CAVIN1: variants seen among roughly 807,000 people sequenced by gnomAD.
CAVIN1 encodes caveolae-associated protein 1.
In CAVIN1, 16 loss-of-function variants were observed where a neutral mutation model predicts 24.0. That is an observed-to-expected ratio of 0.67 (90% CI 0.45 to 1.01). CAVIN1 has a LOEUF of 1.01. Ranked by LOEUF, CAVIN1 falls within the 50% of genes least tolerant of loss-of-function variation. CAVIN1 has a pLI of 0.00. For missense variants in CAVIN1, 510 were observed against 551.7 expected (o/e 0.92, Z 0.76); for synonymous variants, 256 against 256.4 (o/e 1.00, Z 0.02).
At position 42,422,854 on chromosome 17, in the gene CAVIN1, T is replaced by C; in HGVS notation, c.244A>G (p.Met82Val). The C allele has an allele frequency of 2.5e-6, 4 of 1,613,632 alleles. No homozygotes were observed. Among genetic ancestry groups the C allele is most frequent in the Non-Finnish European group, 3.4e-6 (4 of 1,179,932 alleles). ...TGGATGCTCTGCACTGCGCCCTCCA[T>C]CTCCGCCTGCCGCTCCTCCAGCTGT... ...QAQLEERQAE[M>V]EGAVQSIQGE... Residue 82 changes from methionine to valine, a missense_variant, in exon 1 of 2, where the codon ATG becomes GTG. Coordinates refer to ENST00000357037, the MANE Select transcript of CAVIN1 (RefSeq NM_012232.6).
rs1567782662 is a variant in CAVIN1, at chr17:42,423,090, T to TG, written c.7_8insC (p.Asp3AlafsTer150). 1.3e-6 allele frequency: 2 copies of TG among 1,579,722 alleles called. No homozygotes were observed. Among genetic ancestry groups the TG allele is most frequent in the Non-Finnish European group, 1.7e-6 (2 of 1,163,164 alleles). The stretch of plus-strand genomic sequence containing the variant: ...CCGCTCGACAATATAGAGCGTGGGG[T>TG]CCTCCATGGCTACCCGGAGCCGTGC... On this transcript the variant is annotated frameshift_variant, in exon 1 of 2. Transcript: ENST00000357037. LOFTEE classifies it high-confidence loss of function.
At chr17:42,408,833 T>A (rs1203557230) in intron 1 of CAVIN1, among the ~76,000 whole-genome samples, 1 of 126,180 alleles carries the variant, frequency 7.9e-6, no homozygotes, top group Non-Finnish European at 1.6e-5. Context: ...CTCTGTCACC[T>A]AGGTTGGAGT....
intron 1 of CAVIN1, among the ~76,000 whole-genome samples, chr17:42,413,219 C>A (rs998681186): frequency 6.6e-6 from 1 of 152,082 alleles, no homozygotes; most frequent in African/African-American, 2.4e-5. Flanking sequence ...AGGCATGAGC[C>A]ACCATCATGC....
At chr17:42,409,238 C>A (rs2085462475) in intron 1 of CAVIN1, among the ~76,000 whole-genome samples, 1 of 151,972 alleles carries the variant, frequency 6.6e-6, no homozygotes, top group Non-Finnish European at 1.5e-5. Context: ...GTAGCTGGAA[C>A]TACAGGCGCA....
At chr17:42,411,607 C>T (rs901762103) in intron 1 of CAVIN1, 3 of 985,228 alleles carry the variant, frequency 3.0e-6, no homozygotes, top group Non-Finnish European at 3.6e-6. Context: ...AAATGTTTTC[C>T]TCAGCTGCAG....
At position 42,422,978 on chromosome 17, in the gene CAVIN1, T is replaced by G. The variant is rs753689059; in HGVS notation, c.120A>C (p.Ser40=). The change falls in exon 1 of 2, where the codon TCA becomes TCC. Residue 40 remains serine, a synonymous_variant. Coordinates refer to ENST00000357037, the MANE Select transcript of CAVIN1 (RefSeq NM_012232.6). The part of the protein sequence containing the change: ...QAAEEPSGAG[S]EELIKSDQVN... ...CCTGGTCCGACTTGATCAGCTCTTCTGAGCCGGCCCCCGACGGCTCCTCCG... is the reference window on the plus strand; with the variant it reads ...CCTGGTCCGACTTGATCAGCTCTTCGGAGCCGGCCCCCGACGGCTCCTCCG... 2 of 1,613,732 alleles carry G rather than the reference T, an allele frequency of 1.2e-6. No homozygotes were observed. Among genetic ancestry groups the G allele is most frequent in the Non-Finnish European group, 1.7e-6 (2 of 1,179,968 alleles).
intron 1 of CAVIN1, chr17:42,411,907 C>A (rs1254895964): frequency 1.0e-6 from 1 of 985,298 alleles, no homozygotes; most frequent in Non-Finnish European, 1.2e-6. Context: ...CGCCAGTGTT[C>A]TCACAGTACC....
Position 42,423,113 on chromosome 17 carries a change from T to A in CAVIN1, c.-16A>T, listed in dbSNP as rs1033912211. 6.5e-7 allele frequency: 1 copy of A among 1,532,930 alleles called. No individual in the cohort carries two copies. Among genetic ancestry groups the A allele is most frequent in the Non-Finnish European group, 8.8e-7 (1 of 1,136,960 alleles). The allele number at this position is 1,532,930 out of a possible 1,614,324, so 95.0% of individuals were successfully genotyped here. A position where few individuals can be genotyped will look rare whatever the true frequency, so the allele number is the denominator to read the frequency against. On this transcript the variant is annotated 5_prime_UTR_variant, in exon 1 of 2. Transcript: ENST00000357037. ...GGTCCTCCATGGCTACCCGGAGCCG[T>A]GCGGGACCGGCCGGGTGGGGCTGGA...
At chr17:42,420,847 G>A (rs747389844) in intron 1 of CAVIN1, among the ~76,000 whole-genome samples, 2 of 151,992 alleles carry the variant, frequency 1.3e-5, no homozygotes, top group South Asian at 2.1e-4. Context: ...GTCACCCCTC[G>A]AGCTCTTCAT....
chr17:42,419,051 G>T (rs1598579477), intron 1 of CAVIN1, among the ~76,000 whole-genome samples: 1 of 151,978 alleles, frequency 6.6e-6, no homozygotes, highest in Non-Finnish European at 1.5e-5. Context: ...AAAACAATTT[G>T]CCGGGCACGG....
chr17:42,416,130 G>A (rs1482629690), intron 1 of CAVIN1, among the ~76,000 whole-genome samples: 1 of 152,156 alleles, frequency 6.6e-6, no homozygotes, highest in Non-Finnish European at 1.5e-5. Context: ...CACTTTGGGA[G>A]GCTGAGGCAG....
intron 1 of CAVIN1, among the ~76,000 whole-genome samples, chr17:42,406,474 A>C (rs934820491): frequency 5.3e-5 from 8 of 151,084 alleles, no homozygotes; most frequent in Admixed American, 4.6e-4. Flanking sequence ...TCCCAGGTTC[A>C]AGCAATTCTC....
chr17:42,410,635 C>T (rs1010800196), intron 1 of CAVIN1, among the ~76,000 whole-genome samples: 2 of 151,968 alleles, frequency 1.3e-5, no homozygotes, highest in African/African-American at 2.4e-5. Context: ...TGAAAGGGGC[C>T]GGGTGCTGTG....
At chr17:42,408,569 G>C (rs886847452) in intron 1 of CAVIN1, among the ~76,000 whole-genome samples, 3 of 151,990 alleles carry the variant, frequency 2.0e-5, no homozygotes, top group African/African-American at 7.2e-5. Context: ...TCGGCTCACC[G>C]CAACATCCGC....
chr17:42,419,786 G>A (rs2085534037), intron 1 of CAVIN1, among the ~76,000 whole-genome samples: 1 of 152,136 alleles, frequency 6.6e-6, no homozygotes, highest in Admixed American at 6.6e-5. Flanking sequence ...TTTTGTTTGG[G>A]AGACAGGGAA....
intron 1 of CAVIN1, among the ~76,000 whole-genome samples, chr17:42,415,979 C>T (rs1020552472): frequency 2.6e-5 from 4 of 152,148 alleles, no homozygotes; most frequent in Non-Finnish European, 5.9e-5. Context: ...GCGTGGCTCA[C>T]GCCTGTAACC....
In CAVIN1 at chr17:42,404,577, G is replaced by C. The variant is rs377658697; in HGVS notation, c.*110C>G. 12 of 705,380 alleles carry C rather than the reference G, an allele frequency of 1.7e-5. No individual in the cohort carries two copies. Among genetic ancestry groups the C allele is most frequent in the East Asian group, 1.0e-4 (3 of 29,520 alleles). The allele number at this position is 705,380 out of a possible 1,614,324, so 43.7% of individuals were successfully genotyped here. A position where few individuals can be genotyped will look rare whatever the true frequency, so the allele number is the denominator to read the frequency against. ...GTGGAGTTCCTGGAGGTGTGGGGAGGGGGGCGTGTTTTCAATTTAGAAAAA... is the reference window on the plus strand; with the variant it reads ...GTGGAGTTCCTGGAGGTGTGGGGAGCGGGGCGTGTTTTCAATTTAGAAAAA... On this transcript the variant is annotated 3_prime_UTR_variant, in exon 2 of 2. Transcript: ENST00000357037.
Position 42,404,766 on chromosome 17 carries a change from C to A in CAVIN1, c.1094G>T (p.Ser365Ile). 1 of 1,574,520 alleles carries A rather than the reference C, an allele frequency of 6.4e-7. No homozygotes were observed. Among genetic ancestry groups the A allele is most frequent in the Non-Finnish European group, 8.6e-7 (1 of 1,162,580 alleles). Residue 365 changes from serine (S) to isoleucine (I), a missense_variant, in exon 2 of 2, where the codon AGC (serine) becomes ATC (isoleucine). Physicochemically the swap from Ser to Ile is moderately radical, Grantham distance 142. Coordinates refer to ENST00000357037, the MANE Select transcript of CAVIN1 (RefSeq NM_012232.6). ...CAGCAGCGCGTGCACGTCGGGGCTG[C>A]TCCCGCGCCGCAGGTCGCCGGCCTC... is the stretch of plus-strand genomic sequence containing the variant. ...RGEAGDLRRG[S>I]SPDVHALLEI...
intron 1 of CAVIN1, 92 bp from the exon 2 acceptor site, chr17:42,405,480 G>A (rs2085438689): frequency 1.5e-6 from 2 of 1,353,978 alleles, no homozygotes; most frequent in Non-Finnish European, 2.1e-6. Flanking sequence ...GGAGAGAGGG[G>A]AGCATGGGAC....
Sources: allele counts gnomAD v4.1 joint callset (sites outside exome capture counted in the v4.1 genomes callset), GRCh38; gene constraint gnomAD v4.1.1; transcripts MANE v1.5; gene names NCBI Gene and HGNC (gene_info 2026-07-23, HGNC 2026-07-21).